NR1H4: variants seen among roughly 807,000 people sequenced by gnomAD.
NR1H4 encodes the protein nuclear receptor subfamily 1 group H member 4.
A neutral mutation model predicts 58.5 loss-of-function variants in NR1H4; 23 were observed. That is an observed-to-expected ratio of 0.39 (90% CI 0.28 to 0.56). The LOEUF (loss-of-function observed/expected upper bound fraction) is 0.56. Ranked by LOEUF, NR1H4 falls within the 20% of genes least tolerant of loss-of-function variation. The probability of loss-of-function intolerance (pLI) is 0.58; values close to 1 mark genes in which losing one functional copy is unlikely to be tolerated. For missense variants in NR1H4, 487 were observed against 576.9 expected (o/e 0.84, Z 1.60); for synonymous variants, 214 against 198.0 (o/e 1.08, Z -0.68).
At chr12:100,475,124 C>CCTATCTATCTAT (rs10629376) in intron 1 of NR1H4, among the ~76,000 whole-genome samples, 18,456 of 143,070 alleles carry the variant, frequency 0.13, 1,327 homozygotes, top group Non-Finnish European at 0.16. Flanking sequence ...AAGTGGTTTA[C>CCTATCTATCTAT]CTATCTATCT....
intron 4 of NR1H4, among the ~76,000 whole-genome samples, chr12:100,528,386 A>T (rs1485311123): frequency 4.6e-5 from 7 of 151,410 alleles, no homozygotes; most frequent in Non-Finnish European, 1.0e-4. Flanking sequence ...AAAAAAAAAG[A>T]GGCAGAAAAG....
At chr12:100,553,834 T>A (rs777859273) in intron 9 of NR1H4, among the ~76,000 whole-genome samples, 1 of 152,210 alleles carries the variant, frequency 6.6e-6, no homozygotes, top group Non-Finnish European at 1.5e-5. Flanking sequence ...GGCACAACAC[T>A]GGTCAAAGGA....
intron 3 of NR1H4, chr12:100,499,905 A>G (rs910111599): frequency 2.2e-6 from 1 of 455,952 alleles, no homozygotes; most frequent in African/African-American, 2.0e-5. Context: ...GGTCTTGGAC[A>G]AATTCCTTAA....
chr12:100,491,869 C>T (rs1399206228), intron 1 of NR1H4, among the ~76,000 whole-genome samples: 4 of 152,064 alleles, frequency 2.6e-5, no homozygotes, highest in East Asian at 1.9e-4. Flanking sequence ...AAAAATTGCC[C>T]TTGAAACTAC....
intron 3 of NR1H4, among the ~76,000 whole-genome samples, chr12:100,508,785 C>G (rs574115241): frequency 2.0e-5 from 3 of 152,128 alleles, no homozygotes; most frequent in African/African-American, 7.2e-5. Context: ...AGAGCATTGC[C>G]AATTTGAAAT....
At chr12:100,500,994 G>A (rs951123936) in intron 3 of NR1H4, among the ~76,000 whole-genome samples, 8 of 152,058 alleles carry the variant, frequency 5.3e-5, no homozygotes, top group African/African-American at 1.9e-4. Flanking sequence ...TTTTTTTAGG[G>A]AAAAAATAAT....
chr12:100,545,671 C>CAAAA lies in NR1H4; in HGVS notation c.1078+4856_1078+4857insAAAA, dbSNP rs1491301660. On this transcript the variant is annotated intron_variant, in intron 9 of 10. Coordinates refer to ENST00000392986, the MANE Select transcript of NR1H4 (RefSeq NM_001206979.2). ...AAAAAAAAAAAAAAAAAAAAAAAACCAAACGGGGGGCATATATGCGTAATG... is the reference window on the plus strand; with the variant it reads ...AAAAAAAAAAAAAAAAAAAAAAAACCAAAAAAACGGGGGGCATATATGCGTAATG... Among the ~76,000 whole-genome samples the CAAAA allele has an allele frequency of 3.0e-3, 162 of 53,258 alleles. 21 individuals carry two copies. Among genetic ancestry groups the CAAAA allele is most frequent in the African/African-American group, 9.2e-3 (102 of 11,114 alleles). 34.9% of individuals were successfully genotyped at this position (53,258 alleles called of 152,430 possible).
chr12:100,563,170 T>C (rs921467391), intron 10 of NR1H4, 81 bp from the exon 11 acceptor site: 6 of 1,082,258 alleles, frequency 5.5e-6, no homozygotes, highest in Non-Finnish European at 8.4e-6. Context: ...CACTTCAAAA[T>C]AGTTAACGTT....
chr12:100,563,179 T>C (rs1955512965), intron 10 of NR1H4, 72 bp from the exon 11 acceptor site: 3 of 1,165,946 alleles, frequency 2.6e-6, no homozygotes, highest in Non-Finnish European at 1.3e-6. Flanking sequence ...ATAGTTAACG[T>C]TGCTATAATT....
intron 9 of NR1H4, among the ~76,000 whole-genome samples, chr12:100,542,332 G>C (rs535388229): frequency 6.6e-6 from 1 of 152,168 alleles, no homozygotes; most frequent in South Asian, 2.1e-4. Context: ...GGGCAACAGA[G>C]TGAGACTCAG....
chr12:100,538,017 C>T (rs1954852771), intron 8 of NR1H4, among the ~76,000 whole-genome samples: 1 of 152,084 alleles, frequency 6.6e-6, no homozygotes, highest in African/African-American at 2.4e-5. Context: ...GCCGAGAAAT[C>T]TGCTTGTTAT....
intron 3 of NR1H4, among the ~76,000 whole-genome samples, chr12:100,506,435 T>C (rs1202439816): frequency 6.6e-6 from 1 of 152,216 alleles, no homozygotes; most frequent in African/African-American, 2.4e-5. Flanking sequence ...CCTTTGTAAT[T>C]ACTTCTCTAT....
chr12:100,547,080 T>C (rs1188286251), intron 9 of NR1H4, among the ~76,000 whole-genome samples: 2 of 152,166 alleles, frequency 1.3e-5, no homozygotes, highest in Non-Finnish European at 2.9e-5. Context: ...AAAATTGTCT[T>C]GTACCTTCTC....
intron 3 of NR1H4, among the ~76,000 whole-genome samples, chr12:100,498,004 A>C (rs1953752247): frequency 6.6e-6 from 1 of 152,176 alleles, no homozygotes; most frequent in Non-Finnish European, 1.5e-5. Context: ...TTCACTTAGC[A>C]CAGTGACACT....
chr12:100,494,752 T>A (rs1441689457), intron 3 of NR1H4, among the ~76,000 whole-genome samples: 6 of 152,222 alleles, frequency 3.9e-5, no homozygotes, highest in Non-Finnish European at 4.4e-5. Context: ...TCTTAATGAT[T>A]TTTTCTTCTA....
At chr12:100,476,278 G>T (rs1176321653) in intron 1 of NR1H4, among the ~76,000 whole-genome samples, 2 of 152,144 alleles carry the variant, frequency 1.3e-5, no homozygotes, top group Non-Finnish European at 2.9e-5. Context: ...CAGCCTGACA[G>T]GGGTGATTTG....
chr12:100,511,583 AG>A (rs1954117165), intron 4 of NR1H4, among the ~76,000 whole-genome samples: 1 of 152,074 alleles, frequency 6.6e-6, no homozygotes, highest in Admixed American at 6.5e-5. Flanking sequence ...TAGTTAATTG[AG>A]AAAGAGAGAA....
chr12:100,560,380 C>T (rs1170526882), intron 9 of NR1H4, among the ~76,000 whole-genome samples: 3 of 148,518 alleles, frequency 2.0e-5, no homozygotes, highest in African/African-American at 7.3e-5. Flanking sequence ...TTTGGGTCCA[C>T]GCTGCTTTTA....
At position 100,487,739 on chromosome 12, in the gene NR1H4, G is replaced by C. The variant is rs999793389; in HGVS notation, c.-189-4764G>C. ...TGATTCTCCTGCCTCAGCCTCCTGA[G>C]TAGCTTGGATTACAGGCACCTGCCA... is the stretch of plus-strand genomic sequence containing the variant. On this transcript the variant is annotated intron_variant, in intron 1 of 10. Transcript: ENST00000392986. Among the ~76,000 whole-genome samples the C allele has an allele frequency of 6.6e-5, 10 of 151,770 alleles. 1 individual carries two copies. The highest frequency in any genetic ancestry group is 2.4e-4 in the African/African-American group (10 of 41,376).
Sources: gnomAD v4.1 joint callset for allele counts (sites outside exome capture counted in the v4.1 genomes callset) on GRCh38, gnomAD v4.1.1 for gene constraint, MANE v1.5 for transcripts, NCBI Gene and HGNC (gene_info 2026-07-23, HGNC 2026-07-21) for gene names.